GLCE: variants seen among roughly 807,000 people sequenced by gnomAD.
GLCE encodes the protein glucuronic acid epimerase.
Under a neutral mutation model 47.9 loss-of-function variants are expected in GLCE, and 19 were observed. The ratio of observed to expected loss-of-function variants is 0.40; its 90% CI spans 0.28 to 0.58. The LOEUF (loss-of-function observed/expected upper bound fraction) is 0.58, where lower values mean the gene tolerates loss of function less well. Ranked by LOEUF, GLCE falls within the 20% of genes least tolerant of loss-of-function variation. The pLI, the probability that GLCE is intolerant of heterozygous loss-of-function variation, is 0.48. For synonymous variants in GLCE, 245 were observed against 263.4 expected (o/e 0.93, Z 0.68); for missense variants, 556 against 743.3 (o/e 0.75, Z 2.93).
chr15:69,228,202 GT>G (rs985533868), intron 2 of GLCE, among the ~76,000 whole-genome samples: 1 of 152,112 alleles, frequency 6.6e-6, no homozygotes, highest in African/African-American at 2.4e-5. Context: ...GGAACTATAA[GT>G]TGTCAAAACC....
chr15:69,235,476 A>G (rs1010110255), intron 2 of GLCE, among the ~76,000 whole-genome samples: 1 of 152,050 alleles, frequency 6.6e-6, no homozygotes, highest in Non-Finnish European at 1.5e-5. Flanking sequence ...TTGTTTGCCT[A>G]TTATGAGTGC....
At chr15:69,189,654 C>T (rs891554150) in intron 1 of GLCE, among the ~76,000 whole-genome samples, 1 of 152,140 alleles carries the variant, frequency 6.6e-6, no homozygotes, top group Non-Finnish European at 1.5e-5. Flanking sequence ...TCTCAAAGAA[C>T]CAGCTTTTGG....
chr15:69,162,314 G>C (rs1375691853), intron 1 of GLCE, among the ~76,000 whole-genome samples: 1 of 148,118 alleles, frequency 6.8e-6, no homozygotes, highest in Non-Finnish European at 1.5e-5. Flanking sequence ...ATGTGTATTG[G>C]TTAAAAAAAA....
At chr15:69,191,823 C>T (rs1394472307) in intron 1 of GLCE, among the ~76,000 whole-genome samples, 3 of 152,104 alleles carry the variant, frequency 2.0e-5, no homozygotes, top group Non-Finnish European at 4.4e-5. Context: ...GGATAGCACT[C>T]CTGAGCCTGC....
chr15:69,193,091 C>T (rs2051937692), intron 1 of GLCE, among the ~76,000 whole-genome samples: 1 of 151,998 alleles, frequency 6.6e-6, no homozygotes, highest in Non-Finnish European at 1.5e-5. Flanking sequence ...TCCCCCTCCC[C>T]CTGAATTCTA....
chr15:69,221,110 C>G (rs1229575064), intron 2 of GLCE, among the ~76,000 whole-genome samples: 3 of 152,118 alleles, frequency 2.0e-5, no homozygotes, highest in African/African-American at 7.2e-5. Context: ...CTAGTGTATT[C>G]CATTGATCTA....
At chr15:69,165,209 ATTC>A (rs1487803927) in intron 1 of GLCE, among the ~76,000 whole-genome samples, 2 of 152,112 alleles carry the variant, frequency 1.3e-5, no homozygotes, top group African/African-American at 4.8e-5. Flanking sequence ...TCCACTAGCT[ATTC>A]TTCTCTTCCT....
At chr15:69,185,669 AATC>A (rs1359457670) in intron 1 of GLCE, among the ~76,000 whole-genome samples, 2 of 152,040 alleles carry the variant, frequency 1.3e-5, no homozygotes, top group South Asian at 2.1e-4. Flanking sequence ...CCACCACAAA[AATC>A]ATCATCAATA....
chr15:69,183,857 G>A lies in GLCE; in HGVS notation c.-105+23100G>A, dbSNP rs768324386. ...GGCCCTGTGGTATGAGGAGTTGGGA[G>A]GGAAAACACATAACACTTGAGAAAG... On this transcript the variant is annotated intron_variant, in intron 1 of 4. Coordinates refer to ENST00000261858, the MANE Select transcript of GLCE (RefSeq NM_015554.3). Among the ~76,000 whole-genome samples, 91 of 152,288 alleles carry A rather than the reference G, an allele frequency of 6.0e-4. 1 individual carries two copies. Among genetic ancestry groups the A allele is most frequent in the Non-Finnish European group, 8.7e-4 (59 of 68,030 alleles).
At chr15:69,223,696 A>G (rs1243999136) in intron 2 of GLCE, among the ~76,000 whole-genome samples, 1 of 151,784 alleles carries the variant, frequency 6.6e-6, no homozygotes, top group African/African-American at 2.4e-5. Flanking sequence ...CAAAACTCCC[A>G]CAATGTATAT....
chr15:69,230,231 A>G (rs2052504619), intron 2 of GLCE, among the ~76,000 whole-genome samples: 1 of 151,882 alleles, frequency 6.6e-6, no homozygotes. Flanking sequence ...AAAAAAACGA[A>G]AAGTAAACAG....
intron 2 of GLCE, among the ~76,000 whole-genome samples, chr15:69,237,152 T>C (rs1248012868): frequency 1.3e-5 from 2 of 152,220 alleles, no homozygotes; most frequent in African/African-American, 2.4e-5. Context: ...ATTTGCAGTA[T>C]TGTTTATTCT....
At chr15:69,243,906 C>T (rs1344407632) in intron 2 of GLCE, among the ~76,000 whole-genome samples, 1 of 152,102 alleles carries the variant, frequency 6.6e-6, no homozygotes, top group East Asian at 1.9e-4. Flanking sequence ...TCCCAAAGTG[C>T]TGGGATGACA....
chr15:69,195,139 C>G (rs570734632), intron 1 of GLCE, among the ~76,000 whole-genome samples: 3 of 152,056 alleles, frequency 2.0e-5, no homozygotes, highest in Middle Eastern at 6.8e-3. Flanking sequence ...ATCTGCCTGC[C>G]TATTTATTCG....
intron 2 of GLCE, among the ~76,000 whole-genome samples, chr15:69,215,198 AT>A (rs1001583679): frequency 1.3e-5 from 2 of 151,886 alleles, no homozygotes; most frequent in South Asian, 4.2e-4. Flanking sequence ...CGCACCCCCA[AT>A]TTTTTTGTGC....
At chr15:69,258,809 G>T (rs1320367009) in intron 3 of GLCE, among the ~76,000 whole-genome samples, 1 of 152,026 alleles carries the variant, frequency 6.6e-6, no homozygotes, top group African/African-American at 2.4e-5. Flanking sequence ...TCTGGTATTT[G>T]GTAGCACAAA....
intron 1 of GLCE, among the ~76,000 whole-genome samples, chr15:69,197,918 G>A (rs2052019078): frequency 6.6e-6 from 1 of 152,132 alleles, no homozygotes; most frequent in East Asian, 1.9e-4. Flanking sequence ...GTAGAAGGAA[G>A]AGAAAATTGC....
At chr15:69,227,199 C>T (rs1170259621) in intron 2 of GLCE, among the ~76,000 whole-genome samples, 2 of 152,114 alleles carry the variant, frequency 1.3e-5, no homozygotes, top group African/African-American at 4.8e-5. Flanking sequence ...GTAAGAGAGA[C>T]ATTTTTGCTA....
chr15:69,240,232 C>CTAGTAACTGATATATAAGAAATATTGAG (rs1566965608), intron 2 of GLCE, among the ~76,000 whole-genome samples: 2 of 17,918 alleles, frequency 1.1e-4, no homozygotes, highest in South Asian at 1.8e-3. Context: ...ATCAAACCGC[C>CTAGTAACTGATATATAAGAAATATTGAG]GAGATCCCGC....
Sources: allele counts gnomAD v4.1 joint callset (sites outside exome capture counted in the v4.1 genomes callset), GRCh38; gene constraint gnomAD v4.1.1; transcripts MANE v1.5; gene names NCBI Gene and HGNC (gene_info 2026-07-23, HGNC 2026-07-21).